The following METTL15 variants were observed in gnomAD, a reference collection of about 807,000 sequenced individuals.
METTL15 encodes 12S rRNA N(4)-cytidine methyltransferase METTL15.
METTL15 carries 34 observed loss-of-function variants against 38.3 expected under a neutral mutation model. The ratio of observed to expected loss-of-function variants is 0.89; its 90% CI spans 0.68 to 1.18. The LOEUF is 1.18. Among genes scored for constraint, METTL15 ranks in the 50% most tolerant of loss-of-function variants. The probability of loss-of-function intolerance (pLI) is 0.00; values close to 1 mark genes in which losing one functional copy is unlikely to be tolerated. For synonymous variants in METTL15, 162 were observed against 170.9 expected, an observed-to-expected ratio of 0.95 and a Z score of 0.41; for missense variants, 438 against 498.4, an observed-to-expected ratio of 0.88 and a Z score of 1.15.
chr11:28,388,893 C>G (rs867578407), intron 5 of METTL15, among the ~76,000 whole-genome samples: 22 of 151,994 alleles, frequency 1.4e-4, no homozygotes, highest in South Asian at 2.1e-4. Context: ...CATGTGTTCT[C>G]ATTGTTCAAT....
chr11:28,501,046 T>C (rs146865475), intron 6 of METTL15, among the ~76,000 whole-genome samples: 35 of 152,350 alleles, frequency 2.3e-4, no homozygotes, highest in African/African-American at 7.9e-4. Context: ...TTTATTCTCA[T>C]ATTCCCACTA....
Position 28,332,689 on chromosome 11 carries a change from C to T in METTL15, c.*1848C>T, listed in dbSNP as rs1849848645. ...AGAAGATAGGGCGGGCATGGTGGCTCACGCCTGTAATCCCAGCACTGTGGG... is the reference window on the plus strand; with the variant it reads ...AGAAGATAGGGCGGGCATGGTGGCTTACGCCTGTAATCCCAGCACTGTGGG... On this transcript the variant is annotated 3_prime_UTR_variant, in exon 7 of 7. Coordinates refer to ENST00000407364, the MANE Select transcript of METTL15 (RefSeq NM_001113528.2). The T allele has an allele frequency of 1.3e-5, 2 of 151,136 alleles. No individual in the cohort carries two copies. The highest frequency in any genetic ancestry group is 4.9e-5 in the African/African-American group (2 of 40,778). 9.4% of individuals were successfully genotyped at this position (151,136 alleles called of 1,614,324 possible). A position where few individuals can be genotyped will look rare whatever the true frequency, so the allele number is the denominator to read the frequency against.
At chr11:28,178,663 C>A (rs985717250) in intron 3 of METTL15, among the ~76,000 whole-genome samples, 1 of 151,684 alleles carries the variant, frequency 6.6e-6, no homozygotes. Flanking sequence ...AACATTTAAT[C>A]ATTTGTCTGT....
chr11:28,136,098 C>T (rs540629078), intron 3 of METTL15, among the ~76,000 whole-genome samples: 5 of 152,290 alleles, frequency 3.3e-5, no homozygotes, highest in Admixed American at 1.3e-4. Flanking sequence ...CAAAGCTAGA[C>T]AACAATTGTC....
intron 3 of METTL15, among the ~76,000 whole-genome samples, chr11:28,195,416 G>A (rs1851872625): frequency 6.6e-6 from 1 of 151,934 alleles, no homozygotes; most frequent in Non-Finnish European, 1.5e-5. Context: ...TCTGGCTGGG[G>A]TAAGGTGGTA....
At chr11:28,345,163 A>G (rs920899001) in intron 3 of METTL15, among the ~76,000 whole-genome samples, 1 of 152,086 alleles carries the variant, frequency 6.6e-6, no homozygotes, top group Non-Finnish European at 1.5e-5. Flanking sequence ...GCAATAAATG[A>G]ATAGTTTATC....
At chr11:28,310,917 G>GCTGCTGCTGC (rs1565244277) in intron 6 of METTL15, among the ~76,000 whole-genome samples, 14 of 55,312 alleles carry the variant, frequency 2.5e-4, no homozygotes, top group Non-Finnish European at 3.5e-4. Context: ...GCTGCTGCTG[G>GCTGCTGCTGC]TGGTGGTGGT....
chr11:28,135,049 A>G (rs1181381824), intron 3 of METTL15, among the ~76,000 whole-genome samples: 1 of 152,168 alleles, frequency 6.6e-6, no homozygotes, highest in African/African-American at 2.4e-5. Flanking sequence ...ACAGCCAGTT[A>G]TTGCTGGTTG....
chr11:28,473,292 C>A (rs1358095955), intron 6 of METTL15, among the ~76,000 whole-genome samples: 17 of 152,194 alleles, frequency 1.1e-4, no homozygotes, highest in Non-Finnish European at 8.8e-5. Flanking sequence ...TGGTGGTATG[C>A]CACCAACAAG....
intron 4 of METTL15, among the ~76,000 whole-genome samples, chr11:28,288,710 G>A (rs931041682): frequency 3.3e-5 from 5 of 151,926 alleles, no homozygotes; most frequent in African/African-American, 1.2e-4. Flanking sequence ...ATAACTAATG[G>A]ATACTAGGCT....
chr11:28,455,438 A>G (rs1851159936), intron 6 of METTL15, among the ~76,000 whole-genome samples: 1 of 152,004 alleles, frequency 6.6e-6, no homozygotes, highest in Non-Finnish European at 1.5e-5. Context: ...CATTAAGGCC[A>G]TTTTGTCTCT....
intron 3 of METTL15, among the ~76,000 whole-genome samples, chr11:28,118,850 G>C (rs1343776057): frequency 6.6e-6 from 1 of 152,168 alleles, no homozygotes; most frequent in Non-Finnish European, 1.5e-5. Flanking sequence ...GTAAGGATTA[G>C]ATGAGTTAAT....
chr11:28,230,353 T>C (rs951578813), intron 4 of METTL15, among the ~76,000 whole-genome samples: 10 of 151,982 alleles, frequency 6.6e-5, no homozygotes, highest in African/African-American at 2.2e-4. Context: ...AGTCAACGTG[T>C]ATATTTGAAA....
At chr11:28,289,445 G>A (rs1856422698) in intron 4 of METTL15, among the ~76,000 whole-genome samples, 1 of 152,122 alleles carries the variant, frequency 6.6e-6, no homozygotes, top group African/African-American at 2.4e-5. Context: ...CAGAGGGAAT[G>A]ACATCTTGAG....
intron 3 of METTL15, among the ~76,000 whole-genome samples, chr11:28,149,305 GATAAT>G (rs1243432505): frequency 2.0e-5 from 3 of 151,622 alleles, no homozygotes; most frequent in Non-Finnish European, 4.4e-5. Context: ...AGACAGAGAT[GATAAT>G]ATAATGACAA....
intron 2 of METTL15, among the ~76,000 whole-genome samples, chr11:28,111,921 G>A (rs1398896445): frequency 1.3e-5 from 2 of 152,028 alleles, no homozygotes; most frequent in Non-Finnish European, 2.9e-5. Context: ...CTATTTCATT[G>A]CTGCCAAGCA....
chr11:28,132,478 A>T (rs1849370774), intron 3 of METTL15, among the ~76,000 whole-genome samples: 3 of 151,266 alleles, frequency 2.0e-5, no homozygotes, highest in Admixed American at 6.6e-5. Context: ...TCTGTGTTTT[A>T]AACTGGTTGA....
At chr11:28,275,110 T>C (rs1468454199) in intron 4 of METTL15, among the ~76,000 whole-genome samples, 1 of 149,872 alleles carries the variant, frequency 6.7e-6, no homozygotes, top group African/African-American at 2.5e-5. Flanking sequence ...AGAAAATATA[T>C]AAAAAGATCA....
intron 5 of METTL15, among the ~76,000 whole-genome samples, chr11:28,419,315 G>C (rs1333508107): frequency 1.3e-5 from 2 of 152,172 alleles, no homozygotes; most frequent in African/African-American, 4.8e-5. Context: ...GAGAGAGACT[G>C]TTTGGGAAAA....
Sources: gnomAD v4.1 joint callset for allele counts (sites outside exome capture counted in the v4.1 genomes callset) on GRCh38, gnomAD v4.1.1 for gene constraint, MANE v1.5 for transcripts, NCBI Gene and HGNC (gene_info 2026-07-23, HGNC 2026-07-21) for gene names.